The following MYOT variants were observed in gnomAD, a reference collection of about 807,000 sequenced individuals.
MYOT encodes myotilin.
A neutral mutation model predicts 58.0 loss-of-function variants in MYOT; 36 were observed. The observed-to-expected ratio is 0.62, with a 90% CI of 0.48 to 0.82. The LOEUF (loss-of-function observed/expected upper bound fraction) is 0.82. Ranked by LOEUF, MYOT falls within the 40% of genes least tolerant of loss-of-function variation. The probability of loss-of-function intolerance (pLI) is 0.00; values close to 1 mark genes in which losing one functional copy is unlikely to be tolerated. For synonymous variants in MYOT, 218 were observed against 204.6 expected (o/e 1.07, Z -0.56); for missense variants, 505 against 592.1 (o/e 0.85, Z 1.53).
In MYOT at chr5:137,870,578, T is replaced by G; in HGVS notation, c.-74T>G. 7.2e-7 allele frequency: 1 copy of G among 1,385,618 alleles called. No homozygotes were observed. The highest frequency in any genetic ancestry group is 1.0e-6 in the Non-Finnish European group (1 of 972,078). 85.8% of individuals were successfully genotyped at this position (1,385,618 alleles called of 1,614,324 possible). A position where few individuals can be genotyped will look rare whatever the true frequency, so the allele number is the denominator to read the frequency against. ...GTAATTCCAGGCTTGTGGCCCCAAATTCAGGGCCCCACCCTTCCAGGAACA... is the reference window on the plus strand; with the variant it reads ...GTAATTCCAGGCTTGTGGCCCCAAAGTCAGGGCCCCACCCTTCCAGGAACA... On this transcript the variant is annotated 5_prime_UTR_variant, in exon 2 of 10. Transcript: ENST00000239926.
In MYOT at chr5:137,878,044, G is replaced by A. The variant is rs185704097; in HGVS notation, c.633+423G>A. ...TTTCAATGTTTTAAAATATACTTGT[G>A]GTACTAATGAAACATCCAATTCCTT... On this transcript the variant is annotated intron_variant, in intron 4 of 9. Transcript: ENST00000239926. 2.6e-5 allele frequency among the ~76,000 whole-genome samples: 4 copies of A among 152,032 alleles called. No homozygotes were observed. The East Asian group carries it at 7.7e-4, about 29-fold the overall frequency.
Position 137,870,519 on chromosome 5 carries a change from G to A in MYOT, c.-133G>A, listed in dbSNP as rs1755011888. The A allele has an allele frequency of 4.2e-5, 34 of 812,324 alleles. 1 individual carries two copies. In the South Asian group the frequency reaches 4.2e-4, roughly 10 times the overall value. The allele number at this position is 812,324 out of a possible 1,614,324, so 50.3% of individuals were successfully genotyped here. A position where few individuals can be genotyped will look rare whatever the true frequency, so the allele number is the denominator to read the frequency against. On this transcript the variant is annotated 5_prime_UTR_variant, in exon 2 of 10. Transcript: ENST00000239926. ...CTCAGGATCTCAACAAGGAAGAGCAGACCAAGGTTGCTTCTGATTCCTTAC... is the reference window on the plus strand; with the variant it reads ...CTCAGGATCTCAACAAGGAAGAGCAAACCAAGGTTGCTTCTGATTCCTTAC...
At chr5:137,884,868 T>C (rs1244302906) in intron 7 of MYOT, among the ~76,000 whole-genome samples, 1 of 152,236 alleles carries the variant, frequency 6.6e-6, no homozygotes, top group Non-Finnish European at 1.5e-5. Flanking sequence ...AGAAGTTTGA[T>C]CAGGTTAAAG....
chr5:137,886,407 T>A (rs1359592888), intron 8 of MYOT, among the ~76,000 whole-genome samples, 194 bp downstream of exon 8: 2 of 152,062 alleles, frequency 1.3e-5, no homozygotes, highest in African/African-American at 4.8e-5. Context: ...TAATCAGAAA[T>A]GTAAGGCATA....
intron 3 of MYOT, among the ~76,000 whole-genome samples, 151 bp from the exon 4 acceptor site, chr5:137,877,367 CAA>C (rs1172576383): frequency 9.7e-4 from 41 of 42,100 alleles, no homozygotes; most frequent in African/African-American, 2.8e-3. Flanking sequence ...GACTCCGTCT[CAA>C]AAAAAAAAAA....
rs1425136418 is a variant in MYOT at position 137,887,546 on chromosome 5, C to T, written c.*161C>T. On this transcript the variant is annotated 3_prime_UTR_variant, in exon 10 of 10. Coordinates refer to ENST00000239926, the MANE Select transcript of MYOT (RefSeq NM_006790.3). ...TATTATTTATCCTTTGACTCTTGCACATTCTATGTACCCCTCCGATTTGTG... is the reference window on the plus strand; with the variant it reads ...TATTATTTATCCTTTGACTCTTGCATATTCTATGTACCCCTCCGATTTGTG... 3 of 450,166 alleles carry T rather than the reference C, an allele frequency of 6.7e-6. No individual in the cohort carries two copies. Among genetic ancestry groups the T allele is most frequent in the Non-Finnish European group, 1.0e-5 (3 of 293,474 alleles). 27.9% of individuals were successfully genotyped at this position (450,166 alleles called of 1,614,324 possible). A position where few individuals can be genotyped will look rare whatever the true frequency, so the allele number is the denominator to read the frequency against.
intron 2 of MYOT, among the ~76,000 whole-genome samples, chr5:137,874,955 A>C (rs983165439): frequency 2.6e-5 from 4 of 152,224 alleles, no homozygotes; most frequent in Non-Finnish European, 5.9e-5. Flanking sequence ...TAAATGTCTA[A>C]CAATCACTGG....
chr5:137,868,418 T>C (rs1382664530), intron 1 of MYOT, among the ~76,000 whole-genome samples: 1 of 152,174 alleles, frequency 6.6e-6, no homozygotes, highest in African/African-American at 2.4e-5. Flanking sequence ...GAATCTATTA[T>C]AGAATTAAAT....
chr5:137,876,373 A>T (rs975937071), intron 3 of MYOT, among the ~76,000 whole-genome samples: 17 of 152,356 alleles, frequency 1.1e-4, no homozygotes, highest in African/African-American at 3.8e-4. Context: ...CTTATCATGT[A>T]GTCCTTATTG....
In MYOT at chr5:137,870,513, A is replaced by G; in HGVS notation, c.-139A>G. 1 of 781,062 alleles carries G rather than the reference A, an allele frequency of 1.3e-6. No homozygotes were observed. The highest frequency in any genetic ancestry group is 2.3e-6 in the Non-Finnish European group (1 of 434,238). The allele number at this position is 781,062 out of a possible 1,614,324, so 48.4% of individuals were successfully genotyped here. A position where few individuals can be genotyped will look rare whatever the true frequency, so the allele number is the denominator to read the frequency against. ...AGTATTCTCAGGATCTCAACAAGGA[A>G]GAGCAGACCAAGGTTGCTTCTGATT... On this transcript the variant is annotated 5_prime_UTR_variant, in exon 2 of 10. Transcript: ENST00000239926.
In MYOT at chr5:137,886,043, T is replaced by C. The variant is rs200696022; in HGVS notation, c.1025-5T>C. On this transcript the variant is annotated splice_polypyrimidine_tract_variant and splice_region_variant and intron_variant, in intron 7 of 9. Transcript: ENST00000239926. ...AAATACTTGAATTTTTGTATTAATA[T>C]ATAGCAAAAGAACATAAAAGAGCAC... The C allele has an allele frequency of 1.9e-6, 3 of 1,552,288 alleles. No individual in the cohort carries two copies. Among genetic ancestry groups the C allele is most frequent in the Non-Finnish European group, 1.8e-6 (2 of 1,128,570 alleles).
intron 6 of MYOT, chr5:137,882,927 C>T (rs1755482841): frequency 6.0e-6 from 1 of 167,800 alleles, no homozygotes; most frequent in Admixed American, 5.9e-5. Flanking sequence ...TATGTAAAAA[C>T]ACTTAACAAA....
rs1755653910 is a variant in MYOT at position 137,887,672 on chromosome 5, GTT to G, written c.*288_*289del. 5.5e-6 allele frequency: 1 copy of G among 180,764 alleles called. No individual in the cohort carries two copies. The highest frequency in any genetic ancestry group is 1.1e-5 in the Non-Finnish European group (1 of 88,016). 11.2% of individuals were successfully genotyped at this position (180,764 alleles called of 1,614,324 possible). ...AGTCATGCACATTTAACAATTACAG[GTT>G]ATAAATTAGTATCAACTTTTTAAAC... On this transcript the variant is annotated 3_prime_UTR_variant, in exon 10 of 10. Coordinates refer to ENST00000239926, the MANE Select transcript of MYOT (RefSeq NM_006790.3).
At chr5:137,881,876 C>G (rs1459586794) in intron 5 of MYOT, 97 bp from the exon 6 acceptor site, 2 of 1,334,758 alleles carry the variant, frequency 1.5e-6, no homozygotes, top group Non-Finnish European at 2.1e-6. Context: ...GAGTGAAACT[C>G]CATTGAAAAA....
chr5:137,870,288 G>GACACACACACACAC (rs35301804), intron 1 of MYOT, among the ~76,000 whole-genome samples, 153 bp from the exon 2 acceptor site: 64 of 127,082 alleles, frequency 5.0e-4, no homozygotes, highest in African/African-American at 1.7e-3. Flanking sequence ...GATTAAGCAA[G>GACACACACACACAC]ACACACACAC....
chr5:137,877,410 A>G lies in MYOT; in HGVS notation c.532-110A>G, dbSNP rs1326343679. The G allele has an allele frequency of 5.8e-6, 4 of 694,640 alleles. No individual in the cohort carries two copies. In the Admixed American group the frequency reaches 9.1e-5, roughly 16 times the overall value. The allele number at this position is 694,640 out of a possible 1,614,324, so 43.0% of individuals were successfully genotyped here. ...AAAAAAATAGAATCTATCATTCAAT[A>G]GATAGAACTATGCTTCTTTGAAGTT... On this transcript the variant is annotated intron_variant, in intron 3 of 9. Transcript: ENST00000239926.
intron 4 of MYOT, among the ~76,000 whole-genome samples, chr5:137,879,697 T>TC (rs1025546609): frequency 6.9e-6 from 1 of 145,810 alleles, no homozygotes; most frequent in Non-Finnish European, 1.5e-5. Context: ...GCTTTTTTTT[T>TC]TTTTTTTTTT....
intron 1 of MYOT, among the ~76,000 whole-genome samples, 156 bp from the exon 2 acceptor site, chr5:137,870,285 C>T (rs1222727254): frequency 1.7e-5 from 1 of 60,210 alleles, no homozygotes; most frequent in African/African-American, 6.5e-5. Flanking sequence ...GGCGATTAAG[C>T]AAGACACACA....
chr5:137,868,048 A>G (rs537136555), intron 1 of MYOT, 95 bp downstream of exon 1: 1 of 152,326 alleles, frequency 6.6e-6, no homozygotes, highest in Non-Finnish European at 1.5e-5. Flanking sequence ...TTTCAGATAA[A>G]AAGTTTGAAA....
Sources: gnomAD v4.1 joint callset for allele counts (sites outside exome capture counted in the v4.1 genomes callset) on GRCh38, gnomAD v4.1.1 for gene constraint, MANE v1.5 for transcripts, NCBI Gene and HGNC (gene_info 2026-07-23, HGNC 2026-07-21) for gene names.